RABGAP1L: variants seen among roughly 807,000 people sequenced by gnomAD.
RABGAP1L encodes the protein rab GTPase-activating protein 1-like.
Under a neutral mutation model 137.7 loss-of-function variants are expected in RABGAP1L, and 63 were observed. That is an observed-to-expected ratio of 0.46 (90% confidence interval 0.37 to 0.56). The LOEUF (loss-of-function observed/expected upper bound fraction) is 0.56, where lower values mean the gene tolerates loss of function less well. Among genes scored for constraint, RABGAP1L ranks in the 20% least tolerant of loss-of-function variants. The pLI, the probability that RABGAP1L is intolerant of heterozygous loss-of-function variation, is 0.00. For synonymous variants in RABGAP1L, 431 were observed against 433.7 expected, an observed-to-expected ratio of 0.99 and a Z score of 0.08; for missense variants, 1,095 against 1,244.0, an observed-to-expected ratio of 0.88 and a Z score of 1.80.
chr1:174,492,408 G>A (rs1045026137), intron 13 of RABGAP1L, among the ~76,000 whole-genome samples: 1 of 150,442 alleles, frequency 6.6e-6, no homozygotes, highest in Non-Finnish European at 1.5e-5. Flanking sequence ...GAGTGCAGTG[G>A]CACGATCTTG....
chr1:174,963,297 T>G (rs1254039626), intron 20 of RABGAP1L, among the ~76,000 whole-genome samples: 1 of 152,184 alleles, frequency 6.6e-6, no homozygotes, highest in Admixed American at 6.6e-5. Flanking sequence ...TTCCACTTTC[T>G]CTTTGAGCTT....
intron 17 of RABGAP1L, among the ~76,000 whole-genome samples, chr1:174,723,769 A>C (rs139970534): frequency 3.8e-4 from 58 of 152,314 alleles, no homozygotes; most frequent in African/African-American, 1.3e-3. Flanking sequence ...GTCCAAAGAG[A>C]TATAGCATAT....
rs534513524 is a variant in RABGAP1L at position 174,653,489 on chromosome 1, G to T, written c.1824+16001G>T. On this transcript the variant is annotated intron_variant, in intron 14 of 25. Transcript: ENST00000681986. ...TGGGAAAAGTGTCATATCTGGGCCA[G>T]ATTGCATTGTTCCTCATGGCTTCCC... 3.9e-5 allele frequency among the ~76,000 whole-genome samples: 6 copies of T among 152,316 alleles called. No homozygotes were observed. In the East Asian group the frequency reaches 9.6e-4, roughly 24 times the overall value.
Position 174,356,338 on chromosome 1 carries a change from A to G in RABGAP1L, c.1466-14641A>G, listed in dbSNP as rs1217694943. On this transcript the variant is annotated intron_variant, in intron 11 of 25. Transcript: ENST00000681986. Reference sequence around the variant, plus strand: ...AGAGAAAAATCTCTGAATACCTTCAATCACAACATTTTATTTGTGTTCTAC... The same window carrying G: ...AGAGAAAAATCTCTGAATACCTTCAGTCACAACATTTTATTTGTGTTCTAC... Among the ~76,000 whole-genome samples the G allele has an allele frequency of 7.9e-5, 12 of 152,130 alleles. No homozygotes were observed. In the East Asian group the frequency reaches 1.5e-3, roughly 19 times the overall value.
intron 7 of RABGAP1L, among the ~76,000 whole-genome samples, chr1:174,257,170 A>G (rs1482406502): frequency 6.6e-6 from 1 of 152,122 alleles, no homozygotes; most frequent in East Asian, 1.9e-4. Flanking sequence ...CATTTTTTTG[A>G]GCACTTCCTT....
At chr1:174,732,852 G>T (rs1682602687) in intron 17 of RABGAP1L, among the ~76,000 whole-genome samples, 1 of 152,170 alleles carries the variant, frequency 6.6e-6, no homozygotes, top group South Asian at 2.1e-4. Flanking sequence ...CACTTCCCAA[G>T]ACTCTGTCCT....
chr1:174,230,881 A>G (rs1256921573), intron 3 of RABGAP1L, among the ~76,000 whole-genome samples: 1 of 152,144 alleles, frequency 6.6e-6, no homozygotes, highest in Admixed American at 6.6e-5. Flanking sequence ...TCATCTGAAG[A>G]ACTTACAGCT....
intron 10 of RABGAP1L, 143 bp from the exon 11 acceptor site, chr1:174,304,843 T>C: frequency 1.4e-6 from 1 of 697,274 alleles, no homozygotes; most frequent in East Asian, 3.4e-5. Flanking sequence ...ACCTTAAAAG[T>C]TTTCAGAACC....
intron 13 of RABGAP1L, among the ~76,000 whole-genome samples, chr1:174,542,583 C>G (rs1264385557): frequency 6.6e-6 from 1 of 151,992 alleles, no homozygotes; most frequent in Non-Finnish European, 1.5e-5. Context: ...TTTTTTGTGT[C>G]TCTATCTCCT....
intron 13 of RABGAP1L, among the ~76,000 whole-genome samples, chr1:174,598,002 G>C (rs1179756753): frequency 1.3e-5 from 2 of 152,052 alleles, no homozygotes; most frequent in Non-Finnish European, 2.9e-5. Flanking sequence ...ATTCCATTGT[G>C]GTCTGAGAAG....
At chr1:174,402,400 C>G (rs1263269583) in intron 13 of RABGAP1L, among the ~76,000 whole-genome samples, 1 of 152,118 alleles carries the variant, frequency 6.6e-6, no homozygotes, top group Non-Finnish European at 1.5e-5. Context: ...ATATACTGTT[C>G]ATTGTATGGA....
chr1:174,952,112 C>T (rs779121591), intron 19 of RABGAP1L, among the ~76,000 whole-genome samples: 13 of 151,664 alleles, frequency 8.6e-5, no homozygotes, highest in South Asian at 4.2e-4. Flanking sequence ...CATTATGATC[C>T]GAAGTTTAAG....
intron 19 of RABGAP1L, among the ~76,000 whole-genome samples, chr1:174,938,078 A>T (rs1168186173): frequency 6.6e-6 from 1 of 152,112 alleles, no homozygotes; most frequent in African/African-American, 2.4e-5. Flanking sequence ...TCCATCTATA[A>T]ATAATTTTAC....
At chr1:174,193,430 G>A (rs922357405) in intron 1 of RABGAP1L, among the ~76,000 whole-genome samples, 1 of 152,186 alleles carries the variant, frequency 6.6e-6, no homozygotes, top group African/African-American at 2.4e-5. Context: ...TACTCGGGAG[G>A]CTGAGGCATG....
rs980484304 is a variant in RABGAP1L, at chr1:174,221,040, G to C, written c.207G>C (p.Arg69Ser). ...MEEILRDSEK[R>S]PSSLLVDCQS... ...AGATTTTGAGAGATTCCGAGAAAAGGCCAAGCAGTCTTCTTGTTGATTGTC... is the reference window on the plus strand; with the variant it reads ...AGATTTTGAGAGATTCCGAGAAAAGCCCAAGCAGTCTTCTTGTTGATTGTC... Residue 69 changes from arginine (R) to serine (S), a missense_variant, in exon 3 of 26, where the codon AGG becomes AGC. Arg to Ser is a moderately radical substitution (Grantham distance 110). Around this residue, in one of 4 missense-constraint regions of RABGAP1L, gnomAD observed 356 missense variants for 326.3 expected, o/e 1.09. Coordinates refer to ENST00000681986, the MANE Select transcript of RABGAP1L (RefSeq NM_001366446.1). The C allele has an allele frequency of 6.2e-7, 1 of 1,613,818 alleles. No homozygotes were observed. Among genetic ancestry groups the C allele is most frequent in the Non-Finnish European group, 8.5e-7 (1 of 1,179,862 alleles).
At chr1:174,194,269 C>T (rs1169720107) in intron 1 of RABGAP1L, among the ~76,000 whole-genome samples, 1 of 151,008 alleles carries the variant, frequency 6.6e-6, no homozygotes, top group Non-Finnish European at 1.5e-5. Flanking sequence ...GAGTCTTGCC[C>T]TGTCGCCCAG....
At chr1:174,859,769 T>G (rs1649953750) in intron 19 of RABGAP1L, among the ~76,000 whole-genome samples, 1 of 151,934 alleles carries the variant, frequency 6.6e-6, no homozygotes, top group Non-Finnish European at 1.5e-5. Context: ...TGAAATAATC[T>G]GTACAAAAAA....
intron 17 of RABGAP1L, among the ~76,000 whole-genome samples, chr1:174,733,477 C>T (rs537122053): frequency 6.6e-5 from 10 of 152,322 alleles, no homozygotes; most frequent in African/African-American, 2.4e-4. Context: ...ATTTCTCTAC[C>T]TCTTTCAGGC....
chr1:174,624,564 T>C (rs1182850046), intron 13 of RABGAP1L, among the ~76,000 whole-genome samples: 1 of 152,218 alleles, frequency 6.6e-6, no homozygotes, highest in Admixed American at 6.5e-5. Flanking sequence ...TTCAAATATA[T>C]GAATTAAATC....
Sources: allele counts gnomAD v4.1 joint callset (sites outside exome capture counted in the v4.1 genomes callset), GRCh38; gene constraint gnomAD v4.1.1; regional missense constraint gnomAD v4.1.1; transcripts MANE v1.5; gene names NCBI Gene and HGNC (gene_info 2026-07-23, HGNC 2026-07-21).